Variants in SYT7 observed in about 807,000 individuals in gnomAD.
The protein encoded by SYT7 is synaptotagmin-7.
Under a neutral mutation model 75.1 loss-of-function variants are expected in SYT7, and 29 were observed. The observed-to-expected ratio is 0.39, with a 90% CI of 0.29 to 0.53. SYT7 has a LOEUF of 0.53. Among genes scored for constraint, SYT7 ranks in the 20% least tolerant of loss-of-function variants. SYT7 has a pLI of 0.77. For synonymous variants in SYT7, 376 were observed against 401.7 expected, an observed-to-expected ratio of 0.94 and a Z score of 0.76; for missense variants, 693 against 953.2, an observed-to-expected ratio of 0.73 and a Z score of 3.59.
chr11:61,528,605 C>G (rs1338825006), intron 8 of SYT7, among the ~76,000 whole-genome samples: 1 of 152,132 alleles, frequency 6.6e-6, no homozygotes, highest in Non-Finnish European at 1.5e-5. Flanking sequence ...CGACACAAAC[C>G]TGGGCTACAC....
Position 61,528,202 on chromosome 11 carries a change from G to C in SYT7, c.1201-17C>G, listed in dbSNP as rs1296281615. On this transcript the variant is annotated splice_polypyrimidine_tract_variant and intron_variant, in intron 8 of 12. Coordinates refer to ENST00000539008, the MANE Select transcript of SYT7 (RefSeq NM_001365809.2). ...TGGGGAGAGCTGGGGGTGGGGGAGA[G>C]GCCGGCAGGGTTTGGGGAGGATTCT... is the stretch of plus-strand genomic sequence containing the variant. 1 of 1,607,502 alleles carries C rather than the reference G, an allele frequency of 6.2e-7. No individual in the cohort carries two copies. Among genetic ancestry groups the C allele is most frequent in the East Asian group, 2.2e-5 (1 of 44,860 alleles).
intron 1 of SYT7, among the ~76,000 whole-genome samples, chr11:61,563,862 G>A (rs1261432933): frequency 6.6e-6 from 1 of 152,160 alleles, no homozygotes; most frequent in Non-Finnish European, 1.5e-5. Flanking sequence ...AGCACCTAGA[G>A]GATTGAGACC....
At chr11:61,541,229 G>T in intron 6 of SYT7, 1 of 985,608 alleles carries the variant, frequency 1.0e-6, no homozygotes, top group Non-Finnish European at 1.2e-6. Context: ...CAGGCTTAGT[G>T]TGCTGGTCTC....
At chr11:61,586,449 A>G in the SYT7 span, among the ~76,000 whole-genome samples, 3 of 152,116 alleles carry the variant, frequency 2.0e-5, no homozygotes, top group Non-Finnish European at 2.9e-5. Context: ...CAGTTTGCTG[A>G]TTACTAGGTG....
chr11:61,536,810 G>T (rs2062883035), intron 7 of SYT7, among the ~76,000 whole-genome samples: 1 of 152,152 alleles, frequency 6.6e-6, no homozygotes, highest in South Asian at 2.1e-4. Flanking sequence ...ATCCTCCCTA[G>T]CCCACAAGCC....
chr11:61,588,178 A>G, the SYT7 span, among the ~76,000 whole-genome samples: 1 of 152,090 alleles, frequency 6.6e-6, no homozygotes, highest in Non-Finnish European at 1.5e-5. Flanking sequence ...CTCCCTCACC[A>G]AGGCCTCTGG....
At position 61,542,466 on chromosome 11, in the gene SYT7, T is replaced by C; in HGVS notation, c.686A>G (p.Gln229Arg). The C allele has an allele frequency of 6.5e-7, 1 of 1,533,008 alleles. No homozygotes were observed. Among genetic ancestry groups the C allele is most frequent in the Non-Finnish European group, 8.7e-7 (1 of 1,146,106 alleles). 95.0% of individuals were successfully genotyped at this position (1,533,008 alleles called of 1,614,324 possible). A position where few individuals can be genotyped will look rare whatever the true frequency, so the allele number is the denominator to read the frequency against. The stretch of plus-strand genomic sequence containing the variant: ...GCCCCGCTGGTGCTGGCTCAGCGGC[T>C]GTTGCAGGCTCTGCTGCCGCATCAG... Reference protein sequence around the residue: ...RTLMRQQSLQQPLSQHQRGRQ... With the variant: ...RTLMRQQSLQRPLSQHQRGRQ... The change falls in exon 6 of 13, where the codon CAG becomes CGG. Residue 229 changes from glutamine to arginine, a missense_variant. This residue lies in a region of SYT7 where 487 missense variants were observed against 593.2 expected (regional missense o/e 0.82). Coordinates refer to ENST00000539008, the MANE Select transcript of SYT7 (RefSeq NM_001365809.2). This position sits in a 1 kb window ranked among gnomAD's most constrained non-coding sequence, Gnocchi z 7.8.
chr11:61,547,919 A>C (rs1341656229), intron 3 of SYT7, among the ~76,000 whole-genome samples: 4 of 152,190 alleles, frequency 2.6e-5, no homozygotes, highest in African/African-American at 9.7e-5. Flanking sequence ...CCTTCTCCCC[A>C]CTGAGGCCCT....
At chr11:61,538,382 AGAGAGAAAG>A in intron 6 of SYT7, 116 bp from the exon 7 acceptor site, 1 of 846,526 alleles carries the variant, frequency 1.2e-6, no homozygotes, top group South Asian at 1.9e-5. Context: ...AGAGAGAGAG[AGAGAGAAAG>A]AGAGAGAGAG....
intron 5 of SYT7, among the ~76,000 whole-genome samples, chr11:61,544,745 C>G (rs558228435): frequency 1.5e-4 from 23 of 152,132 alleles, no homozygotes; most frequent in Admixed American, 3.3e-4. Flanking sequence ...GGAGACTGGC[C>G]GGGGCAGGCT....
intron 3 of SYT7, among the ~76,000 whole-genome samples, chr11:61,550,003 G>C (rs2063303050): frequency 6.6e-6 from 1 of 152,182 alleles, no homozygotes; most frequent in Non-Finnish European, 1.5e-5. Context: ...CCTGGAGGAG[G>C]CACAGGTGCT....
chr11:61,517,972 C>G lies in SYT7; in HGVS notation c.*655G>C, dbSNP rs935810621. The G allele has an allele frequency of 5.5e-6, 1 of 182,686 alleles. No homozygotes were observed. Among genetic ancestry groups the G allele is most frequent in the African/African-American group, 2.3e-5 (1 of 42,668 alleles). The allele number at this position is 182,686 out of a possible 1,614,324, so 11.3% of individuals were successfully genotyped here. On this transcript the variant is annotated 3_prime_UTR_variant, in exon 13 of 13. Transcript: ENST00000539008. ...CCCTATGGGCCTCTCCTCTCACACCCCCGGCCTCCAACCCTGCCTGGCCTT... is the reference window on the plus strand; with the variant it reads ...CCCTATGGGCCTCTCCTCTCACACCGCCGGCCTCCAACCCTGCCTGGCCTT...
In SYT7 at chr11:61,580,996, T is replaced by TCCCG. The variant is rs1405736220; in HGVS notation, c.-180_-177dup. The TCCCG allele has an allele frequency of 5.2e-6, 3 of 575,028 alleles. No individual in the cohort carries two copies. The highest frequency in any genetic ancestry group is 2.3e-5 in the African/African-American group (1 of 43,500). The allele number at this position is 575,028 out of a possible 1,614,324, so 35.6% of individuals were successfully genotyped here. A position where few individuals can be genotyped will look rare whatever the true frequency, so the allele number is the denominator to read the frequency against. The stretch of plus-strand genomic sequence containing the variant: ...GGGAGCGGGGGCCGCCCGCCAGCCC[T>TCCCG]CCCGCCCGCCCGCGGAGCACGCTGC... On this transcript the variant is annotated 5_prime_UTR_variant, in exon 1 of 13. Coordinates refer to ENST00000539008, the MANE Select transcript of SYT7 (RefSeq NM_001365809.2). The surrounding 1 kb of genome is among the most constrained non-coding windows in gnomAD (Gnocchi z 6.1).
intron 9 of SYT7, among the ~76,000 whole-genome samples, chr11:61,527,098 C>T (rs1287255578): frequency 1.3e-5 from 2 of 152,140 alleles, no homozygotes; most frequent in Non-Finnish European, 2.9e-5. Flanking sequence ...ACCTTGAATC[C>T]TCAGAGATAA....
the SYT7 span, among the ~76,000 whole-genome samples, chr11:61,587,212 G>A: frequency 1.3e-5 from 2 of 152,186 alleles, no homozygotes; most frequent in South Asian, 4.1e-4. Flanking sequence ...GCCTCCCAGC[G>A]CTGAACGACT....
At position 61,514,883 on chromosome 11, in the gene SYT7, G is replaced by A. The variant is rs892155460; in HGVS notation, c.*3744C>T. ...CTCAGGGACCAGGAAGGAGGCGCTGGCCTGAAACTACAGTGGCCCCATGGA... is the reference window on the plus strand; with the variant it reads ...CTCAGGGACCAGGAAGGAGGCGCTGACCTGAAACTACAGTGGCCCCATGGA... On this transcript the variant is annotated 3_prime_UTR_variant, in exon 13 of 13. Transcript: ENST00000539008. Among the ~76,000 whole-genome samples, 3 of 152,216 alleles carry A rather than the reference G, an allele frequency of 2.0e-5. No homozygotes were observed. Among genetic ancestry groups the A allele is most frequent in the African/African-American group, 7.2e-5 (3 of 41,454 alleles).
intron 7 of SYT7, among the ~76,000 whole-genome samples, chr11:61,535,628 G>C (rs1393099383): frequency 6.6e-6 from 1 of 152,172 alleles, no homozygotes; most frequent in Non-Finnish European, 1.5e-5. Context: ...CAAGAATCGT[G>C]GGGACAGAGG....
chr11:61,581,301 G>A (rs999028192), upstream of SYT7, among the ~76,000 whole-genome samples: 30 of 148,910 alleles, frequency 2.0e-4, 1 homozygote, highest in Admixed American at 1.7e-3. Flanking sequence ...CGCCCGCCTC[G>A]CAGTCCCCGC....
chr11:61,545,916 G>A (rs2135267003), intron 5 of SYT7, 115 bp downstream of exon 5: 1 of 904,486 alleles, frequency 1.1e-6, no homozygotes, highest in Non-Finnish European at 1.6e-6. Flanking sequence ...ATGAGCCAGG[G>A]GCCGAGGACG....
Sources: gnomAD v4.1 joint callset for allele counts (sites outside exome capture counted in the v4.1 genomes callset) on GRCh38, gnomAD v4.1.1 for gene constraint, gnomAD v4.1.1 regional missense constraint, Gnocchi (gnomAD v3.1) non-coding constraint, MANE v1.5 for transcripts, NCBI Gene and HGNC (gene_info 2026-07-23, HGNC 2026-07-21) for gene names.